Variants in CD36 observed in about 807,000 individuals in gnomAD.
CD36 encodes platelet glycoprotein 4.
In CD36, 119 loss-of-function variants were observed where a neutral mutation model predicts 55.2. The ratio of observed to expected loss-of-function variants is 2.15; its 90% confidence interval spans 1.86 to 2.51. CD36 has a LOEUF of 2.51. Among genes scored for constraint, CD36 ranks in the 30% most tolerant of loss-of-function variants. CD36 has a pLI of 0.00. For synonymous variants in CD36, 186 were observed against 193.6 expected, an observed-to-expected ratio of 0.96 and a Z score of 0.33; for missense variants, 819 against 555.5, an observed-to-expected ratio of 1.47 and a Z score of -4.77.
rs1424663583 is a variant in CD36, at chr7:80,678,925, T to A, written c.*2542T>A. On this transcript the variant is annotated 3_prime_UTR_variant, in exon 15 of 15. Coordinates refer to ENST00000447544, the MANE Select transcript of CD36 (RefSeq NM_001001548.3). ...TACATAATTATCTTTCTAGTTGGAG[T>A]TTGTTTTAGGTGTGTACCAACTGAC... The A allele has an allele frequency of 6.6e-6, 1 of 152,090 alleles. No individual in the cohort carries two copies. The highest frequency in any genetic ancestry group is 1.5e-5 in the Non-Finnish European group (1 of 68,012). The allele number at this position is 152,090 out of a possible 1,614,324, so 9.4% of individuals were successfully genotyped here. A position where few individuals can be genotyped will look rare whatever the true frequency, so the allele number is the denominator to read the frequency against.
rs573439520 is a variant in CD36, at chr7:80,663,003, T to C, written c.443T>C (p.Ile148Thr). Residue 148 changes from isoleucine (I) to threonine (T), a missense_variant, in exon 6 of 15, where the codon ATC becomes ACC. By Grantham distance (89) the Ile-to-Thr change is moderately conservative. Transcript: ENST00000447544. ...TTGTTTTTGTAGGCTGCATCCCATATCTATCAAAATCAATTTGTTCAAATG... is the reference window on the plus strand; with the variant it reads ...TTGTTTTTGTAGGCTGCATCCCATACCTATCAAAATCAATTTGTTCAAATG... ...LNLAVAAASHIYQNQFVQMIL... is the reference protein window; with the variant it reads ...LNLAVAAASHTYQNQFVQMIL... 6.2e-7 allele frequency: 1 copy of C among 1,612,484 alleles called. No homozygotes were observed.
At chr7:80,658,719 C>T (rs541498342) in intron 4 of CD36, among the ~76,000 whole-genome samples, 1 of 152,272 alleles carries the variant, frequency 6.6e-6, no homozygotes, top group Admixed American at 6.5e-5. Context: ...TGGCCTCAAA[C>T]TCCTGGGCTC....
At chr7:80,664,268 A>AT (rs1378437332) in intron 6 of CD36, 138 bp from the exon 7 acceptor site, 1 of 620,842 alleles carries the variant, frequency 1.6e-6, no homozygotes, top group African/African-American at 1.9e-5. Context: ...AAGGCCAATA[A>AT]TTTAAAAAAA....
At chr7:80,625,251 A>G (rs1394746019) in intron 1 of CD36, among the ~76,000 whole-genome samples, 4 of 152,182 alleles carry the variant, frequency 2.6e-5, no homozygotes, top group Non-Finnish European at 5.9e-5. Flanking sequence ...AACTAGCTAA[A>G]ATTTTACAGA....
At position 80,670,016 on chromosome 7, in the gene CD36, T is replaced by C. The variant is rs370072057; in HGVS notation, c.812T>C (p.Ile271Thr). ...SQVLQFFSSD[I>T]CRSIYAVFES... ...GTATTGCAGTTCTTTTCTTCTGATA[T>C]TTGCAGGTAAGACAGATACTGAAGT... The change falls in exon 9 of 15, where the codon ATT (isoleucine) becomes ACT (threonine). Residue 271 changes from isoleucine to threonine, a missense_variant. Physicochemically the swap from Ile to Thr is moderately conservative, Grantham distance 89. Coordinates refer to ENST00000447544, the MANE Select transcript of CD36 (RefSeq NM_001001548.3). 17 of 1,601,444 alleles carry C rather than the reference T, an allele frequency of 1.1e-5. No individual in the cohort carries two copies. In the African/African-American group the frequency reaches 2.1e-4, roughly 20 times the overall value.
In CD36 at chr7:80,678,083, G is replaced by GTA. The variant is rs1394742771; in HGVS notation, c.*1701_*1702insAT. 1.0e-4 allele frequency: 1 copy of GTA among 9,926 alleles called. No individual in the cohort carries two copies. Among genetic ancestry groups the GTA allele is most frequent in the Middle Eastern group, 0.042 (1 of 24 alleles). 0.6% of individuals were successfully genotyped at this position (9,926 alleles called of 1,614,324 possible). On this transcript the variant is annotated 3_prime_UTR_variant, in exon 15 of 15. Transcript: ENST00000447544. ...TTTACATGAAATCTGGGCTTTGGAT[G>GTA]TGTGTGTGTGTGTGTGTGTGTGTGT...
chr7:80,669,506 C>A (rs901779450), intron 8 of CD36, among the ~76,000 whole-genome samples: 1 of 152,098 alleles, frequency 6.6e-6, no homozygotes, highest in Non-Finnish European at 1.5e-5. Context: ...TGGCTCACTG[C>A]AGTATCCGCC....
At chr7:80,646,305 AAACCAGATAG>A in intron 2 of CD36, 124 bp downstream of exon 2, 1 of 225,096 alleles carries the variant, frequency 4.4e-6, no homozygotes, top group Non-Finnish European at 9.0e-6. Context: ...TTGGGTGGAG[AAACCAGATAG>A]TGAGGATGCA....
At chr7:80,614,322 G>A (rs1270596854) in intron 1 of CD36, among the ~76,000 whole-genome samples, 1 of 152,058 alleles carries the variant, frequency 6.6e-6, no homozygotes, top group Non-Finnish European at 1.5e-5. Context: ...TTTCCACTGG[G>A]TTTAGACATA....
At chr7:80,614,289 T>G (rs965928017) in intron 1 of CD36, among the ~76,000 whole-genome samples, 5 of 152,160 alleles carry the variant, frequency 3.3e-5, no homozygotes, top group Non-Finnish European at 7.3e-5. Context: ...CTACCCAGAT[T>G]CTTTCTTGGA....
At chr7:80,672,459 TATA>T (rs1162784486) in intron 11 of CD36, among the ~76,000 whole-genome samples, 5 of 151,880 alleles carry the variant, frequency 3.3e-5, no homozygotes, top group African/African-American at 4.8e-5. Context: ...TCTAACTGAA[TATA>T]TATTTGACCA....
At chr7:80,613,687 G>T (rs1413661) in intron 1 of CD36, among the ~76,000 whole-genome samples, 1 of 151,802 alleles carries the variant, frequency 6.6e-6, no homozygotes, top group Non-Finnish European at 1.5e-5. Flanking sequence ...ATGCTTGTCA[G>T]GGGCCTAAGA....
intron 1 of CD36, among the ~76,000 whole-genome samples, chr7:80,615,316 A>G (rs1793086134): frequency 2.0e-5 from 3 of 152,198 alleles, no homozygotes; most frequent in Non-Finnish European, 4.4e-5. Context: ...TATTCTGCTT[A>G]CAGAATAAAG....
chr7:80,629,707 A>G (rs1388070353), intron 1 of CD36, among the ~76,000 whole-genome samples: 1 of 152,036 alleles, frequency 6.6e-6, no homozygotes, highest in African/African-American at 2.4e-5. Context: ...TAGAGGTTAT[A>G]ATTCAGTTAA....
rs372416023 is a variant in CD36 at position 80,639,435 on chromosome 7, A to G, written c.-184+689A>G. 5.2e-4 allele frequency among the ~76,000 whole-genome samples: 79 copies of G among 152,052 alleles called. 3 individuals carry two copies. The South Asian group carries it at 0.015, about 30-fold the overall frequency. Reference sequence around the variant, plus strand: ...AATAAAGTTAATTTTTTTTCGATTCAGGAAGCTTATTACAAATAGTACTGA... The same window carrying G: ...AATAAAGTTAATTTTTTTTCGATTCGGGAAGCTTATTACAAATAGTACTGA... On this transcript the variant is annotated intron_variant, in intron 1 of 14. Coordinates refer to ENST00000447544, the MANE Select transcript of CD36 (RefSeq NM_001001548.3).
intron 1 of CD36, chr7:80,633,512 A>G (rs1405417685): frequency 6.6e-6 from 1 of 151,972 alleles, no homozygotes; most frequent in Non-Finnish European, 1.5e-5. Context: ...TTTAAAGGTG[A>G]TATTAGAAAT....
At position 80,666,432 on chromosome 7, in the gene CD36, T is replaced by G; in HGVS notation, c.702-11T>G. 1 of 1,566,212 alleles carries G rather than the reference T, an allele frequency of 6.4e-7. No homozygotes were observed. Among genetic ancestry groups the G allele is most frequent in the Middle Eastern group, 1.7e-4 (1 of 5,944 alleles). On this transcript the variant is annotated splice_polypyrimidine_tract_variant and intron_variant, in intron 7 of 14. Transcript: ENST00000447544. ...TAAGAATGTTTATTCATTGTCTTTTTCTATTCCTAGGAATCTGTCCTATTG... is the reference window on the plus strand; with the variant it reads ...TAAGAATGTTTATTCATTGTCTTTTGCTATTCCTAGGAATCTGTCCTATTG...
intron 1 of CD36, among the ~76,000 whole-genome samples, chr7:80,632,427 A>C (rs773140400): frequency 2.2e-4 from 34 of 152,086 alleles, no homozygotes; most frequent in Non-Finnish European, 2.2e-4. Context: ...GTGTATACAC[A>C]TGCATATCTG....
At chr7:80,649,551 TAG>T (rs1674604298) in intron 3 of CD36, among the ~76,000 whole-genome samples, 4 of 151,794 alleles carry the variant, frequency 2.6e-5, no homozygotes, top group African/African-American at 9.7e-5. Context: ...CAGATTAAAT[TAG>T]AGGAGTAAAA....
Sources: gnomAD v4.1 joint callset for allele counts (sites outside exome capture counted in the v4.1 genomes callset) on GRCh38, gnomAD v4.1.1 for gene constraint, MANE v1.5 for transcripts, NCBI Gene and HGNC (gene_info 2026-07-23, HGNC 2026-07-21) for gene names.